The following ZNF704 variants were observed in gnomAD, a reference collection of about 807,000 sequenced individuals.
The protein encoded by ZNF704 is glucocorticoid induced gene 1.
A neutral mutation model predicts 44.7 loss-of-function variants in ZNF704; 10 were observed. The ratio of observed to expected loss-of-function variants is 0.22; its 90% confidence interval spans 0.14 to 0.38. The LOEUF is 0.38. ZNF704 is among the 10% of genes least tolerant of loss of function. The pLI, the probability that ZNF704 is intolerant of heterozygous loss-of-function variation, is 1.00. For missense variants in ZNF704, 390 were observed against 545.5 expected, an observed-to-expected ratio of 0.71 and a Z score of 2.84; for synonymous variants, 211 against 207.6, an observed-to-expected ratio of 1.02 and a Z score of -0.14.
chr8:80,761,929 G>T (rs932823259), intron 2 of ZNF704, among the ~76,000 whole-genome samples: 6 of 152,172 alleles, frequency 3.9e-5, no homozygotes, highest in Admixed American at 2.6e-4. Context: ...ACTTCAATGG[G>T]TCACCACCAT....
intron 2 of ZNF704, among the ~76,000 whole-genome samples, chr8:80,784,000 C>T (rs1807574910): frequency 1.3e-5 from 2 of 152,138 alleles, no homozygotes; most frequent in South Asian, 4.1e-4. Context: ...TTCAGATTGG[C>T]TTCTTTCACT....
At chr8:80,879,916 A>G in the ZNF704 span, among the ~76,000 whole-genome samples, 1 of 152,094 alleles carries the variant, frequency 6.6e-6, no homozygotes, top group African/African-American at 2.4e-5. Context: ...TCCTACTCAC[A>G]CTAAAGAAAA....
intron 7 of ZNF704, among the ~76,000 whole-genome samples, chr8:80,653,865 A>G (rs1227213662): frequency 6.6e-6 from 1 of 152,222 alleles, no homozygotes; most frequent in African/African-American, 2.4e-5. Flanking sequence ...GAACCAAAAA[A>G]GAGCCCGCAT....
chr8:80,721,029 T>G (rs1819157517), intron 2 of ZNF704, among the ~76,000 whole-genome samples: 1 of 152,192 alleles, frequency 6.6e-6, no homozygotes, highest in Non-Finnish European at 1.5e-5. Context: ...CCACCCTTCT[T>G]GTATCACTTA....
intron 2 of ZNF704, among the ~76,000 whole-genome samples, chr8:80,790,057 G>A (rs1483970583): frequency 6.6e-6 from 1 of 152,178 alleles, no homozygotes; most frequent in Non-Finnish European, 1.5e-5. Flanking sequence ...TGTGGCACTG[G>A]TTATCAATAC....
intron 7 of ZNF704, among the ~76,000 whole-genome samples, chr8:80,651,018 TC>T (rs1355357563): frequency 1.3e-5 from 2 of 152,192 alleles, no homozygotes; most frequent in Non-Finnish European, 2.9e-5. Flanking sequence ...TATTCAACAT[TC>T]TTAAAGAAAA....
chr8:80,664,461 G>A (rs1818154379), intron 6 of ZNF704, among the ~76,000 whole-genome samples: 2 of 151,664 alleles, frequency 1.3e-5, no homozygotes. Flanking sequence ...AGTAGAGATG[G>A]GGTTTCACCA....
Position 80,866,706 on chromosome 8 carries a change from C to A in ZNF704, c.-22+7865G>T, listed in dbSNP as rs187158356. On this transcript the variant is annotated intron_variant, in intron 1 of 8. Coordinates refer to ENST00000327835, the MANE Select transcript of ZNF704 (RefSeq NM_001033723.3). ...GGAAAGGCTCCCTTACTCCTCTAAGCCCCTCTTGCGGGGTTGGGGGGGGGA... is the reference window on the plus strand; with the variant it reads ...GGAAAGGCTCCCTTACTCCTCTAAGACCCTCTTGCGGGGTTGGGGGGGGGA... 3.3e-5 allele frequency among the ~76,000 whole-genome samples: 5 copies of A among 150,990 alleles called. No homozygotes were observed. In the East Asian group the frequency reaches 7.9e-4, roughly 24 times the overall value.
chr8:80,645,224 A>C (rs1347303902), intron 7 of ZNF704: 1 of 1,532,926 alleles, frequency 6.5e-7, no homozygotes, highest in Non-Finnish European at 8.8e-7. Flanking sequence ...TCCCGGAAAA[A>C]GAATGTTTCA....
At chr8:80,756,526 G>A (rs1430621256) in intron 2 of ZNF704, among the ~76,000 whole-genome samples, 3 of 152,130 alleles carry the variant, frequency 2.0e-5, no homozygotes, top group African/African-American at 7.2e-5. Context: ...ATAATATGGT[G>A]TAAAACTGAG....
intron 1 of ZNF704, among the ~76,000 whole-genome samples, chr8:80,852,774 T>C (rs1340820219): frequency 2.6e-5 from 4 of 152,036 alleles, no homozygotes; most frequent in Non-Finnish European, 5.9e-5. Context: ...TAAGTAGGAG[T>C]GAGTGGGGCA....
intron 2 of ZNF704, among the ~76,000 whole-genome samples, chr8:80,694,825 TC>T (rs1330534759): frequency 1.3e-5 from 2 of 152,234 alleles, no homozygotes; most frequent in Non-Finnish European, 2.9e-5. Context: ...GAAATTTTCT[TC>T]AATAATTCTT....
At position 80,741,664 on chromosome 8, in the gene ZNF704, C is replaced by G. The variant is rs187520335; in HGVS notation, c.222-48557G>C. On this transcript the variant is annotated intron_variant, in intron 2 of 8. Transcript: ENST00000327835. ...GACTGCGCACTTGTGCAACTCTTAA[C>G]CCAGCCACGTTTCTTCCAGACAATG... Among the ~76,000 whole-genome samples the G allele has an allele frequency of 3.9e-5, 6 of 152,314 alleles. No individual in the cohort carries two copies. In the East Asian group the frequency reaches 1.2e-3, roughly 29 times the overall value.
chr8:80,678,460 T>C lies in ZNF704; in HGVS notation c.559-7857A>G, dbSNP rs115611259. On this transcript the variant is annotated intron_variant, in intron 4 of 8. Transcript: ENST00000327835. Reference sequence around the variant, plus strand: ...TTTACACATGCACAGATAGGGGCCATCTTTAAATTTGAGGGCAATACAGGT... The same window carrying C: ...TTTACACATGCACAGATAGGGGCCACCTTTAAATTTGAGGGCAATACAGGT... 6.1e-3 allele frequency among the ~76,000 whole-genome samples: 922 copies of C among 152,328 alleles called. 10 individuals carry two copies. Among genetic ancestry groups the C allele is most frequent in the African/African-American group, 0.021 (893 of 41,586 alleles).
upstream of ZNF704, among the ~76,000 whole-genome samples, chr8:80,878,219 A>AT (rs1208249068): frequency 1.5e-4 from 22 of 151,146 alleles, no homozygotes; most frequent in Admixed American, 6.6e-4. Context: ...TAACTAAAAC[A>AT]TTTTTTTTAC....
chr8:80,815,439 T>C (rs560454375), intron 2 of ZNF704, among the ~76,000 whole-genome samples: 10 of 152,230 alleles, frequency 6.6e-5, no homozygotes, highest in Non-Finnish European at 1.3e-4. Context: ...CATCAGTACC[T>C]TCAAAACCAT....
intron 2 of ZNF704, among the ~76,000 whole-genome samples, chr8:80,754,663 C>G (rs1213953676): frequency 6.6e-6 from 1 of 152,156 alleles, no homozygotes; most frequent in Non-Finnish European, 1.5e-5. Flanking sequence ...AAAGACTGTT[C>G]ACAAGGCCTC....
In ZNF704 at chr8:80,640,099, C is replaced by T. The variant is rs1316254748; in HGVS notation, c.*1267G>A. On this transcript the variant is annotated 3_prime_UTR_variant, in exon 9 of 9. Transcript: ENST00000327835. Reference sequence around the variant, plus strand: ...ACTGAGAAATTCCTATACCTACATGCATTTTCCTTTTGGCGTTATGTTCCC... The same window carrying T: ...ACTGAGAAATTCCTATACCTACATGTATTTTCCTTTTGGCGTTATGTTCCC... 2 of 152,648 alleles carry T rather than the reference C, an allele frequency of 1.3e-5. No individual in the cohort carries two copies. Among genetic ancestry groups the T allele is most frequent in the African/African-American group, 2.4e-5 (1 of 41,444 alleles). The allele number at this position is 152,648 out of a possible 1,614,324, so 9.5% of individuals were successfully genotyped here.
intron 7 of ZNF704, among the ~76,000 whole-genome samples, chr8:80,656,305 C>T (rs1218690121): frequency 6.6e-6 from 1 of 152,156 alleles, no homozygotes; most frequent in Non-Finnish European, 1.5e-5. Context: ...GACTTCTAGC[C>T]TCTAGAACTG....
Sources: allele counts gnomAD v4.1 joint callset (sites outside exome capture counted in the v4.1 genomes callset), GRCh38; gene constraint gnomAD v4.1.1; transcripts MANE v1.5; gene names NCBI Gene and HGNC (gene_info 2026-07-23, HGNC 2026-07-21).